Variants in ENAH observed in about 807,000 individuals in gnomAD.
ENAH encodes the protein protein enabled homolog.
A neutral mutation model predicts 78.7 loss-of-function variants in ENAH; 23 were observed. The observed-to-expected ratio is 0.29, with a 90% CI of 0.21 to 0.41. The LOEUF (loss-of-function observed/expected upper bound fraction) is 0.41. Among genes scored for constraint, ENAH ranks in the 10% least tolerant of loss-of-function variants. The pLI is 1.00. For synonymous variants in ENAH, 226 were observed against 241.0 expected, an observed-to-expected ratio of 0.94 and a Z score of 0.58; for missense variants, 544 against 691.0, an observed-to-expected ratio of 0.79 and a Z score of 2.39.
At chr1:225,559,960 A>G (rs1010656005) in intron 2 of ENAH, among the ~76,000 whole-genome samples, 8 of 152,172 alleles carry the variant, frequency 5.3e-5, no homozygotes, top group African/African-American at 1.4e-4. Context: ...GAGTGCCAGA[A>G]GGGAGAAATA....
chr1:225,571,170 G>A (rs1208000839), intron 1 of ENAH, among the ~76,000 whole-genome samples: 1 of 151,692 alleles, frequency 6.6e-6, no homozygotes, highest in Non-Finnish European at 1.5e-5. Context: ...TTTGAGGTCA[G>A]GAGACCAGCC....
At chr1:225,581,961 T>C (rs1380475388) in intron 1 of ENAH, among the ~76,000 whole-genome samples, 1 of 151,926 alleles carries the variant, frequency 6.6e-6, no homozygotes, top group East Asian at 1.9e-4. Context: ...GGATAAAATT[T>C]ATAGAACAAC....
chr1:225,582,164 C>G (rs180721329), intron 1 of ENAH, among the ~76,000 whole-genome samples: 11 of 151,406 alleles, frequency 7.3e-5, no homozygotes, highest in Non-Finnish European at 1.0e-4. Flanking sequence ...TCTTCCCCCC[C>G]TCTCTCTCTC....
At chr1:225,558,885 G>A (rs924506597) in intron 2 of ENAH, among the ~76,000 whole-genome samples, 37 of 151,948 alleles carry the variant, frequency 2.4e-4, no homozygotes, top group African/African-American at 2.7e-4. Flanking sequence ...TGCCCACCTC[G>A]GCCTCCCAAA....
intron 3 of ENAH, among the ~76,000 whole-genome samples, chr1:225,548,460 A>G (rs1386199766): frequency 6.6e-6 from 1 of 152,216 alleles, no homozygotes; most frequent in Non-Finnish European, 1.5e-5. Context: ...CAAAACTAAA[A>G]GTAAATTCAA....
intron 11 of ENAH, among the ~76,000 whole-genome samples, chr1:225,502,469 C>A (rs2096288377): frequency 1.3e-5 from 2 of 152,182 alleles, no homozygotes; most frequent in Admixed American, 1.3e-4. Flanking sequence ...TTCAGCCTCC[C>A]AAATTGCTGG....
At chr1:225,537,546 T>C (rs1475536671) in intron 3 of ENAH, among the ~76,000 whole-genome samples, 1 of 152,184 alleles carries the variant, frequency 6.6e-6, no homozygotes, top group Admixed American at 6.6e-5. Context: ...CCATTAACTC[T>C]TTCTTCATTC....
intron 2 of ENAH, among the ~76,000 whole-genome samples, chr1:225,557,919 G>C (rs2096675414): frequency 6.6e-6 from 1 of 152,086 alleles, no homozygotes; most frequent in Non-Finnish European, 1.5e-5. Context: ...TGACAGCTAA[G>C]GGTTTCCATC....
intron 1 of ENAH, among the ~76,000 whole-genome samples, chr1:225,610,507 C>T (rs1338349650): frequency 1.3e-5 from 2 of 151,786 alleles, no homozygotes; most frequent in Non-Finnish European, 2.9e-5. Context: ...AAAAAAAATT[C>T]TTTTTTTTCC....
At chr1:225,639,447 G>A (rs994337925) in intron 1 of ENAH, among the ~76,000 whole-genome samples, 21 of 151,992 alleles carry the variant, frequency 1.4e-4, no homozygotes, top group Admixed American at 8.5e-4. Context: ...CCCATCAATC[G>A]ATTAATAACA....
chr1:225,515,156 C>CA, intron 6 of ENAH: 1 of 368,796 alleles, frequency 2.7e-6, no homozygotes, highest in Non-Finnish European at 4.8e-6. Flanking sequence ...CTAATTAAGA[C>CA]TTTTTTTTTT....
chr1:225,536,662 A>C (rs2096563177), intron 3 of ENAH, among the ~76,000 whole-genome samples: 1 of 152,060 alleles, frequency 6.6e-6, no homozygotes, highest in African/African-American at 2.4e-5. Flanking sequence ...GAACCAAACC[A>C]ATTTATAATT....
chr1:225,520,611 A>C (rs1262940226), intron 4 of ENAH, among the ~76,000 whole-genome samples: 1 of 152,010 alleles, frequency 6.6e-6, no homozygotes, highest in Non-Finnish European at 1.5e-5. Context: ...TAATCCTAGC[A>C]CTTTGGGAGG....
At chr1:225,616,434 GA>G (rs1241892323) in intron 1 of ENAH, among the ~76,000 whole-genome samples, 1 of 151,364 alleles carries the variant, frequency 6.6e-6, no homozygotes, top group Non-Finnish European at 1.5e-5. Context: ...ATAATGTTGA[GA>G]AAAAAATTTA....
Position 225,518,987 on chromosome 1 carries a change from G to A in ENAH, c.802+211C>T, listed in dbSNP as rs958218893. 4.4e-5 allele frequency: 33 copies of A among 749,568 alleles called. No homozygotes were observed. The African/African-American group carries it at 5.1e-4, about 12-fold the overall frequency. The allele number at this position is 749,568 out of a possible 1,614,324, so 46.4% of individuals were successfully genotyped here. ...AATGGCAGAATAAAAATTTCCAAGAGCTTTCTTTAAGTCTCCAAGCAATAA... is the reference window on the plus strand; with the variant it reads ...AATGGCAGAATAAAAATTTCCAAGAACTTTCTTTAAGTCTCCAAGCAATAA... On this transcript the variant is annotated intron_variant, in intron 5 of 13. Transcript: ENST00000366843.
chr1:225,562,957 A>G (rs1240849336), intron 2 of ENAH, among the ~76,000 whole-genome samples: 1 of 151,892 alleles, frequency 6.6e-6, no homozygotes, highest in African/African-American at 2.4e-5. Flanking sequence ...TGGGCAACAG[A>G]GCAAAACTCT....
intron 11 of ENAH, among the ~76,000 whole-genome samples, chr1:225,507,065 A>G (rs931710357): frequency 3.3e-5 from 5 of 152,014 alleles, no homozygotes; most frequent in African/African-American, 1.2e-4. Flanking sequence ...TATGTTCAGG[A>G]GCTGTGATAT....
At chr1:225,602,818 A>T (rs1168756732) in intron 1 of ENAH, among the ~76,000 whole-genome samples, 2 of 152,118 alleles carry the variant, frequency 1.3e-5, no homozygotes, top group Admixed American at 6.5e-5. Context: ...ATCTAGAAGA[A>T]CCAAAACAAT....
intron 1 of ENAH, among the ~76,000 whole-genome samples, chr1:225,613,189 C>T (rs2097001427): frequency 6.6e-6 from 1 of 152,138 alleles, no homozygotes; most frequent in African/African-American, 2.4e-5. Flanking sequence ...CAATGACTGC[C>T]TCCTCATCTT....
Sources: gnomAD v4.1 joint callset for allele counts (sites outside exome capture counted in the v4.1 genomes callset) on GRCh38, gnomAD v4.1.1 for gene constraint, MANE v1.5 for transcripts, NCBI Gene and HGNC (gene_info 2026-07-23, HGNC 2026-07-21) for gene names.